The following DGKG variants were observed in gnomAD, a reference collection of about 807,000 sequenced individuals.
The protein encoded by DGKG is diacylglycerol kinase gamma, also known as DAG kinase gamma.
DGKG carries 78 observed loss-of-function variants against 105.3 expected under a neutral mutation model. The observed-to-expected ratio is 0.74, with a 90% CI of 0.62 to 0.89. The LOEUF (loss-of-function observed/expected upper bound fraction) is 0.89. Among genes scored for constraint, DGKG ranks in the 40% least tolerant of loss-of-function variants. DGKG has a pLI of 0.00. For missense variants in DGKG, 958 were observed against 1,020.1 expected (o/e 0.94, Z 0.83); for synonymous variants, 346 against 367.1 (o/e 0.94, Z 0.66).
chr3:186,205,818 T>C (rs1340916675), intron 21 of DGKG, among the ~76,000 whole-genome samples: 2 of 152,060 alleles, frequency 1.3e-5, no homozygotes, highest in Non-Finnish European at 2.9e-5. Context: ...GTTGGGAGTA[T>C]TTGATATACT....
At chr3:186,220,451 A>G (rs1719509828) in intron 20 of DGKG, among the ~76,000 whole-genome samples, 1 of 152,184 alleles carries the variant, frequency 6.6e-6, no homozygotes, top group Non-Finnish European at 1.5e-5. Flanking sequence ...CCCGTCTTCC[A>G]GCCCATACTC....
At chr3:186,196,281 G>A (rs899081605) in intron 21 of DGKG, among the ~76,000 whole-genome samples, 12 of 151,896 alleles carry the variant, frequency 7.9e-5, no homozygotes, top group Admixed American at 7.2e-4. Context: ...GGGACTACAG[G>A]TGCCCACCAC....
intron 1 of DGKG, among the ~76,000 whole-genome samples, chr3:186,353,262 C>T (rs931463163): frequency 6.6e-6 from 1 of 152,082 alleles, no homozygotes; most frequent in African/African-American, 2.4e-5. Flanking sequence ...GTGGCTCATT[C>T]CTGTAATCCC....
At chr3:186,303,949 C>A (rs1724098702) in intron 3 of DGKG, among the ~76,000 whole-genome samples, 1 of 152,238 alleles carries the variant, frequency 6.6e-6, no homozygotes, top group East Asian at 1.9e-4. Context: ...TAACCCTGTG[C>A]CATGACATTA....
chr3:186,242,722 C>G, intron 19 of DGKG, 154 bp from the exon 20 acceptor site: 1 of 585,824 alleles, frequency 1.7e-6, no homozygotes, highest in Non-Finnish European at 3.0e-6. Context: ...GCGGAGCCAA[C>G]AGAGGCTCAA....
At chr3:186,198,730 A>C (rs1718301512) in intron 21 of DGKG, among the ~76,000 whole-genome samples, 2 of 152,256 alleles carry the variant, frequency 1.3e-5, no homozygotes, top group Admixed American at 1.3e-4. Context: ...GGCTGGAGGC[A>C]ACGGGGAAGA....
intron 19 of DGKG, among the ~76,000 whole-genome samples, chr3:186,250,642 C>T (rs1721172129): frequency 7.3e-6 from 1 of 137,162 alleles, no homozygotes. Context: ...CTCTTCCTCC[C>T]AGGTTCAAGC....
At chr3:186,265,202 G>A in intron 14 of DGKG, 45 bp downstream of exon 14, 1 of 1,600,758 alleles carries the variant, frequency 6.2e-7, no homozygotes, top group Non-Finnish European at 8.6e-7. Flanking sequence ...CCACAGCCCT[G>A]GAACAACTTA....
intron 20 of DGKG, among the ~76,000 whole-genome samples, chr3:186,235,651 C>T (rs1267910175): frequency 6.6e-6 from 1 of 152,208 alleles, no homozygotes; most frequent in Non-Finnish European, 1.5e-5. Flanking sequence ...GACGGCAGAG[C>T]ATACTGCAGG....
chr3:186,234,997 A>C (rs1400928184), intron 20 of DGKG, among the ~76,000 whole-genome samples: 1 of 148,294 alleles, frequency 6.7e-6, no homozygotes, highest in Non-Finnish European at 1.5e-5. Flanking sequence ...ACAACAACAA[A>C]AAACCCTGGA....
At chr3:186,160,637 C>G (rs1716247328) in intron 24 of DGKG, 1 of 985,388 alleles carries the variant, frequency 1.0e-6, no homozygotes, top group Non-Finnish European at 1.2e-6. Context: ...CTCAAAATAG[C>G]AGGTGATCAA....
intron 21 of DGKG, among the ~76,000 whole-genome samples, chr3:186,191,910 C>G (rs1463398731): frequency 6.6e-6 from 1 of 152,226 alleles, no homozygotes; most frequent in Non-Finnish European, 1.5e-5. Context: ...TTCTTAGAAA[C>G]TTATTTTGGA....
chr3:186,345,414 T>G (rs1578862440), intron 1 of DGKG, among the ~76,000 whole-genome samples: 1 of 152,224 alleles, frequency 6.6e-6, no homozygotes, highest in Non-Finnish European at 1.5e-5. Context: ...GTCTTCATTT[T>G]CATGCTCTAT....
rs148194643 is a variant in DGKG, at chr3:186,199,598, C to T, written c.1918-11219G>A. Among the ~76,000 whole-genome samples, 362 of 151,792 alleles carry T rather than the reference C, an allele frequency of 2.4e-3. 3 individuals are homozygous for T. The highest frequency in any genetic ancestry group is 8.2e-3 in the African/African-American group (341 of 41,368). On this transcript the variant is annotated intron_variant, in intron 21 of 24. Transcript: ENST00000265022. Reference sequence around the variant, plus strand: ...CATGATCTCGCCTCACTGCAACCTCCGCCTCCTGGGTTCAAGAGATTCTCC... The same window carrying T: ...CATGATCTCGCCTCACTGCAACCTCTGCCTCCTGGGTTCAAGAGATTCTCC...
At chr3:186,232,290 G>A (rs1204263830) in intron 20 of DGKG, among the ~76,000 whole-genome samples, 2 of 152,118 alleles carry the variant, frequency 1.3e-5, no homozygotes, top group Non-Finnish European at 2.9e-5. Context: ...ACCTATAAAT[G>A]CTACTATGTT....
chr3:186,342,290 T>C (rs1726127728), intron 1 of DGKG, among the ~76,000 whole-genome samples: 1 of 152,162 alleles, frequency 6.6e-6, no homozygotes. Flanking sequence ...GAGCAGAATA[T>C]GGTAAAGAAC....
intron 22 of DGKG, among the ~76,000 whole-genome samples, chr3:186,166,332 T>A (rs1243042136): frequency 1.3e-5 from 2 of 152,224 alleles, no homozygotes; most frequent in Non-Finnish European, 2.9e-5. Context: ...CCCCTCTACA[T>A]CTACTGACAA....
intron 20 of DGKG, among the ~76,000 whole-genome samples, chr3:186,235,112 G>T (rs374080541): frequency 6.6e-6 from 1 of 152,100 alleles, no homozygotes; most frequent in African/African-American, 2.4e-5. Flanking sequence ...GGGAGGGTGG[G>T]GGACAAAACA....
intron 5 of DGKG, among the ~76,000 whole-genome samples, chr3:186,289,798 A>G (rs1217915056): frequency 6.6e-6 from 1 of 152,242 alleles, no homozygotes; most frequent in African/African-American, 2.4e-5. Flanking sequence ...CTGAAGGTAG[A>G]GGCAGTGGGA....
Sources: gnomAD v4.1 joint callset for allele counts (sites outside exome capture counted in the v4.1 genomes callset) on GRCh38, gnomAD v4.1.1 for gene constraint, MANE v1.5 for transcripts, NCBI Gene and HGNC (gene_info 2026-07-23, HGNC 2026-07-21) for gene names.